TMEM132D: variants seen among roughly 807,000 people sequenced by gnomAD.
TMEM132D encodes transmembrane protein 132D.
TMEM132D carries 21 observed loss-of-function variants against 62.3 expected under a neutral mutation model. That is an observed-to-expected ratio of 0.34 (90% confidence interval 0.24 to 0.49). The LOEUF is 0.49. TMEM132D is among the 20% of genes least tolerant of loss of function. The probability of loss-of-function intolerance (pLI) is 0.99; values close to 1 mark genes in which losing one functional copy is unlikely to be tolerated. For synonymous variants in TMEM132D, 621 were observed against 575.6 expected (o/e 1.08, Z -1.13); for missense variants, 1,346 against 1,402.8 (o/e 0.96, Z 0.65).
At chr12:129,874,700 C>CTT (rs71085583) in intron 1 of TMEM132D, among the ~76,000 whole-genome samples, 1,316 of 117,866 alleles carry the variant, frequency 0.011, 42 homozygotes, top group African/African-American at 0.026. Flanking sequence ...TCACATTTTT[C>CTT]TTTTTTTTTT....
At chr12:129,505,635 T>A (rs1875307463) in intron 3 of TMEM132D, among the ~76,000 whole-genome samples, 1 of 152,172 alleles carries the variant, frequency 6.6e-6, no homozygotes, top group Non-Finnish European at 1.5e-5. Flanking sequence ...AGTCCCCCAC[T>A]ATTATTGTGT....
At chr12:129,626,517 G>C (rs911945896) in intron 2 of TMEM132D, among the ~76,000 whole-genome samples, 2 of 151,912 alleles carry the variant, frequency 1.3e-5, no homozygotes, top group African/African-American at 4.8e-5. Context: ...GAGTGCAGTG[G>C]CACAATCTCA....
chr12:129,133,877 T>A (rs892539199), intron 5 of TMEM132D, among the ~76,000 whole-genome samples: 3 of 152,218 alleles, frequency 2.0e-5, no homozygotes, highest in Non-Finnish European at 4.4e-5. Flanking sequence ...AATAAGGAAA[T>A]GCTCTTTCCT....
At chr12:129,756,581 A>G (rs530949324) in intron 1 of TMEM132D, among the ~76,000 whole-genome samples, 117 of 152,320 alleles carry the variant, frequency 7.7e-4, no homozygotes, top group Admixed American at 2.9e-3. Flanking sequence ...GGAGGATGCA[A>G]GAGTTCTGGA....
At chr12:129,610,458 G>T (rs1878742642) in intron 2 of TMEM132D, among the ~76,000 whole-genome samples, 1 of 152,068 alleles carries the variant, frequency 6.6e-6, no homozygotes, top group South Asian at 2.1e-4. Flanking sequence ...TTCTAACATA[G>T]GAGCTTCACT....
rs755152475 is a variant in TMEM132D, at chr12:129,700,007, G to A, written c.771C>T (p.Ile257=). Residue 257 remains isoleucine, a synonymous_variant, in exon 2 of 9, where the codon ATC becomes ATT. Coordinates refer to ENST00000422113, the MANE Select transcript of TMEM132D (RefSeq NM_133448.3). ...TCTGCAAGGGGGGCCCGGACTCATC[G>A]ATGTCACTGTGGCCTGTCCGGATCC... is the stretch of plus-strand genomic sequence containing the variant. ...SNGIRTGHSD[I]DESGPPLQRI... is the part of the protein sequence containing the mutation. 2.5e-6 allele frequency: 4 copies of A among 1,613,902 alleles called. No homozygotes were observed. In the South Asian group the frequency reaches 3.3e-5, roughly 13 times the overall value.
intron 3 of TMEM132D, among the ~76,000 whole-genome samples, chr12:129,391,391 G>T (rs1871285958): frequency 6.6e-6 from 1 of 152,206 alleles, no homozygotes; most frequent in African/African-American, 2.4e-5. Flanking sequence ...TCTAACTGGA[G>T]TTCTAGAAGG....
At chr12:129,436,793 G>A (rs117935359) in intron 3 of TMEM132D, among the ~76,000 whole-genome samples, 2 of 152,200 alleles carry the variant, frequency 1.3e-5, no homozygotes, top group Non-Finnish European at 2.9e-5. Context: ...CATGTATACC[G>A]ACATAAAAAT....
chr12:129,428,048 A>G (rs1368737510), intron 3 of TMEM132D, among the ~76,000 whole-genome samples: 6 of 152,148 alleles, frequency 3.9e-5, no homozygotes, highest in African/African-American at 7.2e-5. Flanking sequence ...CACCTACCCA[A>G]TAAACAAAAA....
At chr12:129,303,210 C>T (rs1404373053) in intron 4 of TMEM132D, among the ~76,000 whole-genome samples, 1 of 110,676 alleles carries the variant, frequency 9.0e-6, no homozygotes, top group African/African-American at 3.6e-5. Flanking sequence ...TCTGCAGAGC[C>T]TCCACCATCA....
intron 5 of TMEM132D, among the ~76,000 whole-genome samples, chr12:129,168,478 T>C (rs976722347): frequency 6.6e-6 from 1 of 152,160 alleles, no homozygotes; most frequent in Admixed American, 6.5e-5. Flanking sequence ...TTCCGCTCTA[T>C]GGATTTTCCT....
intron 1 of TMEM132D, among the ~76,000 whole-genome samples, chr12:129,892,656 A>G (rs1052069371): frequency 2.0e-5 from 3 of 152,156 alleles, no homozygotes; most frequent in Non-Finnish European, 4.4e-5. Context: ...AATAATAGGA[A>G]TTACTTAACT....
At chr12:129,612,354 G>A (rs909858510) in intron 2 of TMEM132D, among the ~76,000 whole-genome samples, 4 of 152,078 alleles carry the variant, frequency 2.6e-5, no homozygotes, top group African/African-American at 7.2e-5. Flanking sequence ...AAGAAGGAAC[G>A]CCTCCTGGCC....
At chr12:129,432,689 C>T (rs1872694532) in intron 3 of TMEM132D, among the ~76,000 whole-genome samples, 1 of 152,224 alleles carries the variant, frequency 6.6e-6, no homozygotes, top group African/African-American at 2.4e-5. Context: ...TTAAAAAATA[C>T]TCAAGTCTCA....
intron 4 of TMEM132D, among the ~76,000 whole-genome samples, chr12:129,320,712 G>C (rs1444251062): frequency 6.6e-6 from 1 of 152,184 alleles, no homozygotes; most frequent in Non-Finnish European, 1.5e-5. Flanking sequence ...AGTGTGGAGA[G>C]AGATTAAGAG....
In TMEM132D at chr12:129,274,147, G is replaced by A. The variant is rs529239707; in HGVS notation, c.1299+63487C>T. Among the ~76,000 whole-genome samples, 13 of 151,920 alleles carry A rather than the reference G, an allele frequency of 8.6e-5. 1 individual carries two copies. Among genetic ancestry groups the A allele is most frequent in the African/African-American group, 3.2e-4 (13 of 41,220 alleles). On this transcript the variant is annotated intron_variant, in intron 4 of 8. Transcript: ENST00000422113. ...GCTGAGATGATGCCGGAAGTCTTAT[G>A]CGCATGAGAGTTAAAAGGAACTGGG...
intron 2 of TMEM132D, among the ~76,000 whole-genome samples, chr12:129,619,089 G>A (rs781090129): frequency 1.3e-5 from 2 of 152,114 alleles, no homozygotes; most frequent in South Asian, 2.1e-4. Context: ...AGAGAGAATC[G>A]ATTGTAAATG....
chr12:129,665,728 T>A (rs1267554022), intron 2 of TMEM132D, among the ~76,000 whole-genome samples: 1 of 152,128 alleles, frequency 6.6e-6, no homozygotes, highest in African/African-American at 2.4e-5. Flanking sequence ...GTACTTTATA[T>A]TAACTTTTAT....
intron 3 of TMEM132D, among the ~76,000 whole-genome samples, chr12:129,470,328 T>G (rs1046029249): frequency 6.6e-6 from 1 of 152,180 alleles, no homozygotes; most frequent in Non-Finnish European, 1.5e-5. Flanking sequence ...TTTTGTTTTT[T>G]TAAATTTTTG....
Sources: gnomAD v4.1 joint callset for allele counts (sites outside exome capture counted in the v4.1 genomes callset) on GRCh38, gnomAD v4.1.1 for gene constraint, MANE v1.5 for transcripts, NCBI Gene and HGNC (gene_info 2026-07-23, HGNC 2026-07-21) for gene names.